The following SSH1 variants were observed in gnomAD, a reference collection of about 807,000 sequenced individuals.
The protein encoded by SSH1 is slingshot protein phosphatase 1.
A neutral mutation model predicts 79.7 loss-of-function variants in SSH1; 43 were observed. The ratio of observed to expected loss-of-function variants is 0.54; its 90% CI spans 0.42 to 0.70. SSH1 has a LOEUF of 0.70. SSH1 is among the 30% of genes least tolerant of loss of function. The pLI, the probability that SSH1 is intolerant of heterozygous loss-of-function variation, is 0.00. For missense variants in SSH1, 1,206 were observed against 1,358.8 expected, an observed-to-expected ratio of 0.89 and a Z score of 1.77; for synonymous variants, 599 against 538.3, an observed-to-expected ratio of 1.11 and a Z score of -1.56.
intron 3 of SSH1, among the ~76,000 whole-genome samples, chr12:108,819,300 G>A (rs1265678979): frequency 2.0e-5 from 3 of 152,188 alleles, no homozygotes; most frequent in African/African-American, 4.8e-5. Context: ...GCTGCCCCAG[G>A]GTTCAGGAGG....
At position 108,817,366 on chromosome 12, in the gene SSH1, G is replaced by C. The variant is rs529935616; in HGVS notation, c.280-207C>G. On this transcript the variant is annotated intron_variant, in intron 4 of 14. Coordinates refer to ENST00000326495, the MANE Select transcript of SSH1 (RefSeq NM_018984.4). Reference sequence around the variant, plus strand: ...AGGTAGGCAGATCACTTGAGGTCAGGAGTTCGAGACCAGCCTGGCCAACAT... The same window carrying C: ...AGGTAGGCAGATCACTTGAGGTCAGCAGTTCGAGACCAGCCTGGCCAACAT... 1.2e-3 allele frequency: 693 copies of C among 584,260 alleles called. 8 individuals carry two copies. Among genetic ancestry groups the C allele is most frequent in the South Asian group, 5.5e-3 (314 of 57,426 alleles). The allele number at this position is 584,260 out of a possible 1,614,324, so 36.2% of individuals were successfully genotyped here. A position where few individuals can be genotyped will look rare whatever the true frequency, so the allele number is the denominator to read the frequency against.
At chr12:108,830,395 T>C (rs1252665278) in intron 2 of SSH1, among the ~76,000 whole-genome samples, 1 of 152,146 alleles carries the variant, frequency 6.6e-6, no homozygotes, top group Non-Finnish European at 1.5e-5. Context: ...GAGGCTGCAC[T>C]GAGTGGAGAT....
chr12:108,813,620 G>C (rs2037731152), intron 5 of SSH1, among the ~76,000 whole-genome samples: 1 of 151,098 alleles, frequency 6.6e-6, no homozygotes, highest in Admixed American at 6.6e-5. Context: ...GGCTGAGGTA[G>C]GAGAAATGAT....
chr12:108,822,189 A>C (rs1273679177), intron 3 of SSH1, among the ~76,000 whole-genome samples: 1 of 151,596 alleles, frequency 6.6e-6, no homozygotes, highest in Non-Finnish European at 1.5e-5. Context: ...CCCACAAAAA[A>C]CTAGCTGGCT....
intron 2 of SSH1, chr12:108,837,035 A>C (rs1314807094): frequency 2.2e-6 from 1 of 464,690 alleles, no homozygotes; most frequent in Non-Finnish European, 4.4e-6. Context: ...GTTCGAGACC[A>C]GCCTGGCCAA....
rs1164094148 is a variant in SSH1 at position 108,780,640 on chromosome 12, A to G, written c.*7348T>C. The G allele has an allele frequency of 6.6e-6, 1 of 152,234 alleles. No individual in the cohort carries two copies. Among genetic ancestry groups the G allele is most frequent in the East Asian group, 1.9e-4 (1 of 5,198 alleles). The allele number at this position is 152,234 out of a possible 1,614,324, so 9.4% of individuals were successfully genotyped here. ...GGAACCCAAAGAGAATTTGTTAGCT[A>G]TCTTCAACCTTGCCAGAGAACAGTG... On this transcript the variant is annotated 3_prime_UTR_variant, in exon 15 of 15. Coordinates refer to ENST00000326495, the MANE Select transcript of SSH1 (RefSeq NM_018984.4).
intron 7 of SSH1, among the ~76,000 whole-genome samples, chr12:108,809,456 CAAAA>C (rs200047288): frequency 1.8e-5 from 2 of 114,240 alleles, no homozygotes; most frequent in African/African-American, 6.6e-5. Flanking sequence ...GACCCTGTCT[CAAAA>C]AAAAAAAAAA....
chr12:108,854,823 C>G (rs1364437274), intron 1 of SSH1, among the ~76,000 whole-genome samples: 1 of 152,152 alleles, frequency 6.6e-6, no homozygotes, highest in African/African-American at 2.4e-5. Context: ...GCAACTCAAG[C>G]GAGGGCGGAC....
intron 9 of SSH1, 104 bp from the exon 10 acceptor site, chr12:108,805,288 G>C: frequency 5.2e-6 from 7 of 1,347,746 alleles, no homozygotes; most frequent in South Asian, 5.0e-5. Context: ...TTCCAAAAAA[G>C]GTGGGTGTTT....
intron 2 of SSH1, among the ~76,000 whole-genome samples, chr12:108,845,214 G>T (rs1338737491): frequency 4.1e-5 from 6 of 145,734 alleles, no homozygotes; most frequent in Non-Finnish European, 7.6e-5. Context: ...AAAAAAAAAA[G>T]TAAAAAAAAA....
At chr12:108,799,934 C>T (rs1343482325) in intron 12 of SSH1, among the ~76,000 whole-genome samples, 1 of 152,226 alleles carries the variant, frequency 6.6e-6, no homozygotes, top group Non-Finnish European at 1.5e-5. Context: ...GTACAGAAGG[C>T]AGACCCACCA....
chr12:108,847,178 C>T (rs949935613), intron 2 of SSH1, among the ~76,000 whole-genome samples: 2 of 152,186 alleles, frequency 1.3e-5, no homozygotes. Flanking sequence ...GGATTACAGG[C>T]GTGAGCCACT....
rs868126982 is a variant in SSH1, at chr12:108,805,113, C to T, written c.897G>A (p.Met299Ile). The change falls in exon 10 of 15, where the codon ATG (methionine) becomes ATA (isoleucine). Residue 299 changes from methionine to isoleucine, a missense_variant. Met to Ile is a conservative substitution (Grantham distance 10, BLOSUM62 1). Around this residue, in one of 5 missense-constraint regions of SSH1, gnomAD observed 166 missense variants for 262.9 expected, o/e 0.63. Coordinates refer to ENST00000326495, the MANE Select transcript of SSH1 (RefSeq NM_018984.4). ...KELKEFIDNE[M>I]LLILGQMDKP... ...TGTCCATCTGTCCCAAGATAAGTAG[C>T]ATCTCATTGTCTATAAATTCCTTGA... is the stretch of plus-strand genomic sequence containing the variant. The T allele has an allele frequency of 1.1e-5, 17 of 1,613,840 alleles. No individual in the cohort carries two copies. In the African/African-American group the frequency reaches 1.1e-4, roughly 10 times the overall value.
In SSH1 at chr12:108,823,405, C is replaced by A. The variant is rs1018870350; in HGVS notation, c.111-44G>T. The A allele has an allele frequency of 1.5e-5, 22 of 1,492,224 alleles. No individual in the cohort carries two copies. The Middle Eastern group carries it at 5.1e-4, about 35-fold the overall frequency. 92.4% of individuals were successfully genotyped at this position (1,492,224 alleles called of 1,614,324 possible). On this transcript the variant is annotated intron_variant, in intron 2 of 14. Transcript: ENST00000326495. ...GAGCACAGTTAGACCGGAATTCAGA[C>A]AGGAAAATGGACAAAGAATTACTGC...
chr12:108,798,588 G>A (rs149594405), intron 13 of SSH1, among the ~76,000 whole-genome samples: 9 of 152,320 alleles, frequency 5.9e-5, no homozygotes, highest in South Asian at 2.1e-4. Context: ...CATCAGTGGC[G>A]GAACCTGGTT....
In SSH1 at chr12:108,800,806, T is replaced by G. The variant is rs1189998720; in HGVS notation, c.1122A>C (p.Glu374Asp). ...ETTDLLAHWN[E>D]AYHFINKAKR... is the part of the protein sequence containing the mutation. The stretch of plus-strand genomic sequence containing the variant: ...TCGCTTTGTTTATAAAATGATACGC[T>G]TCATTCCAGTGGGCGAGGAGGTCTG... Residue 374 changes from glutamate (E) to aspartate (D), a missense_variant, in exon 12 of 15, where the codon GAA becomes GAC. Coordinates refer to ENST00000326495, the MANE Select transcript of SSH1 (RefSeq NM_018984.4). The G allele has an allele frequency of 1.9e-6, 3 of 1,614,038 alleles. No individual in the cohort carries two copies. Among genetic ancestry groups the G allele is most frequent in the Admixed American group, 3.3e-5 (2 of 59,988 alleles).
At position 108,787,107 on chromosome 12, in the gene SSH1, C is replaced by T. The variant is rs2036298198; in HGVS notation, c.*881G>A. On this transcript the variant is annotated 3_prime_UTR_variant, in exon 15 of 15. Coordinates refer to ENST00000326495, the MANE Select transcript of SSH1 (RefSeq NM_018984.4). The stretch of plus-strand genomic sequence containing the variant: ...GGGCTCTCAGCAGGACGATGTGTCT[C>T]AGAACCACCACCTGAGCCAGACACT... 1 of 152,260 alleles carries T rather than the reference C, an allele frequency of 6.6e-6. No homozygotes were observed. The highest frequency in any genetic ancestry group is 1.9e-4 in the East Asian group (1 of 5,204). The allele number at this position is 152,260 out of a possible 1,614,324, so 9.4% of individuals were successfully genotyped here.
At chr12:108,812,286 C>T (rs1179576018) in intron 5 of SSH1, among the ~76,000 whole-genome samples, 14 of 152,226 alleles carry the variant, frequency 9.2e-5, no homozygotes, top group Admixed American at 8.5e-4. Context: ...TATTTTGGGC[C>T]TCACAGAGCT....
rs747976463 is a variant in SSH1, at chr12:108,811,285, T to A, written c.445A>T (p.Thr149Ser). 6.2e-7 allele frequency: 1 copy of A among 1,614,216 alleles called. No individual in the cohort carries two copies. The highest frequency in any genetic ancestry group is 8.5e-7 in the Non-Finnish European group (1 of 1,180,030). The change falls in exon 6 of 15, where the codon ACG (threonine) becomes TCG (serine). Residue 149 changes from threonine (T) to serine (S), a missense_variant. By Grantham distance (58) the Thr-to-Ser change is moderately conservative (BLOSUM62 1). Coordinates refer to ENST00000326495, the MANE Select transcript of SSH1 (RefSeq NM_018984.4). ...IGMVLRLWSD[T>S]KIHLDGDGGF... ...CCATCTCCATCAAGGTGGATTTTCG[T>A]GTCGCTCCACAGTCGGAGAACCATC...
Sources: allele counts gnomAD v4.1 joint callset (sites outside exome capture counted in the v4.1 genomes callset), GRCh38; gene constraint gnomAD v4.1.1; regional missense constraint gnomAD v4.1.1; transcripts MANE v1.5; gene names NCBI Gene and HGNC (gene_info 2026-07-23, HGNC 2026-07-21).